The following TECPR2 variants were observed in gnomAD, a reference collection of about 807,000 sequenced individuals.
TECPR2 encodes tectonin beta-propeller repeat-containing protein 2.
In TECPR2, 65 loss-of-function variants were observed where a neutral mutation model predicts 138.1. The ratio of observed to expected loss-of-function variants is 0.47; its 90% confidence interval spans 0.39 to 0.58. The LOEUF is 0.58. Ranked by LOEUF, TECPR2 falls within the 20% of genes least tolerant of loss-of-function variation. The pLI, the probability that TECPR2 is intolerant of heterozygous loss-of-function variation, is 0.00. For synonymous variants in TECPR2, 746 were observed against 749.8 expected, an observed-to-expected ratio of 0.99 and a Z score of 0.08; for missense variants, 1,553 against 1,824.5, an observed-to-expected ratio of 0.85 and a Z score of 2.71.
At chr14:102,437,539 G>A (rs1889700798) in intron 9 of TECPR2, among the ~76,000 whole-genome samples, 1 of 151,754 alleles carries the variant, frequency 6.6e-6, no homozygotes, top group Admixed American at 6.6e-5. Flanking sequence ...GGGCGACAGA[G>A]CGAGTCTCTG....
At chr14:102,439,020 C>T (rs1053017266) in intron 10 of TECPR2, among the ~76,000 whole-genome samples, 3 of 152,010 alleles carry the variant, frequency 2.0e-5, no homozygotes, top group African/African-American at 7.2e-5. Flanking sequence ...CGCCACCACG[C>T]CCAGCTAATT....
intron 17 of TECPR2, among the ~76,000 whole-genome samples, chr14:102,476,295 G>A (rs117749423): frequency 6.7e-6 from 1 of 149,512 alleles, no homozygotes; most frequent in East Asian, 2.0e-4. Flanking sequence ...ACTTTGGGAC[G>A]CTGAGCTGGG....
intron 5 of TECPR2, among the ~76,000 whole-genome samples, chr14:102,418,822 C>T (rs1450295908): frequency 1.3e-5 from 2 of 152,196 alleles, no homozygotes; most frequent in African/African-American, 4.8e-5. Flanking sequence ...GCAGAGCTGG[C>T]AGATTTGCTG....
intron 2 of TECPR2, among the ~76,000 whole-genome samples, chr14:102,383,842 G>C (rs1290445405): frequency 6.6e-6 from 1 of 151,828 alleles, no homozygotes; most frequent in Non-Finnish European, 1.5e-5. Flanking sequence ...CATTTTTACA[G>C]TTTAACCAAT....
At chr14:102,438,406 A>G (rs904838407) in intron 10 of TECPR2, 4 of 607,664 alleles carry the variant, frequency 6.6e-6, no homozygotes, top group South Asian at 2.2e-5. Context: ...TTGGATGTCA[A>G]TTCGTAGTGT....
intron 1 of TECPR2, among the ~76,000 whole-genome samples, chr14:102,373,370 T>G (rs1887557892): frequency 6.6e-6 from 1 of 152,210 alleles, no homozygotes; most frequent in Non-Finnish European, 1.5e-5. Flanking sequence ...AACCATTCTG[T>G]TTTTCACTTT....
At chr14:102,408,305 T>G (rs2139694472) in intron 3 of TECPR2, among the ~76,000 whole-genome samples, 183 bp from the exon 4 acceptor site, 1 of 152,288 alleles carries the variant, frequency 6.6e-6, no homozygotes, top group African/African-American at 2.4e-5. Flanking sequence ...CAAGGTATGC[T>G]CTCTGTGGGT....
intron 9 of TECPR2, among the ~76,000 whole-genome samples, chr14:102,437,560 G>GAAAAA (rs144527153): frequency 0.038 from 5,541 of 145,580 alleles, 114 homozygotes; most frequent in Middle Eastern, 0.087. Context: ...TCTCAAAAAG[G>GAAAAA]AAAAAAAAAA....
intron 16 of TECPR2, among the ~76,000 whole-genome samples, chr14:102,455,012 T>C (rs1231686881): frequency 6.6e-6 from 1 of 152,138 alleles, no homozygotes; most frequent in Non-Finnish European, 1.5e-5. Flanking sequence ...CTGGCCAAAG[T>C]GGTGCAGGTC....
At chr14:102,478,150 A>G (rs989819947) in intron 17 of TECPR2, among the ~76,000 whole-genome samples, 1 of 151,726 alleles carries the variant, frequency 6.6e-6, no homozygotes, top group Non-Finnish European at 1.5e-5. Context: ...GGGTCAAGCC[A>G]TCCTCCCACC....
In TECPR2 at chr14:102,497,076, T is replaced by G; in HGVS notation, c.3887T>G (p.Ile1296Ser). 6.2e-7 allele frequency: 1 copy of G among 1,613,316 alleles called. No homozygotes were observed. Among genetic ancestry groups the G allele is most frequent in the Admixed American group, 1.7e-5 (1 of 60,020 alleles). Reference sequence around the variant, plus strand: ...TGGAACGTGCACGTGCGGACCGGGATCACCGAGGAGATGCCTGTGGGGACC... The same window carrying G: ...TGGAACGTGCACGTGCGGACCGGGAGCACCGAGGAGATGCCTGTGGGGACC... ...SRWNVHVRTG[I>S]TEEMPVGTAW... Residue 1296 changes from isoleucine to serine, a missense_variant, in exon 18 of 20, where the codon ATC (isoleucine) becomes AGC (serine). Transcript: ENST00000359520.
intron 2 of TECPR2, among the ~76,000 whole-genome samples, chr14:102,401,136 A>G (rs571086745): frequency 1.3e-5 from 2 of 151,864 alleles, no homozygotes; most frequent in Non-Finnish European, 2.9e-5. Context: ...GATTGTCAAA[A>G]TGGTTTTTAA....
chr14:102,471,334 A>G (rs1241437952), intron 17 of TECPR2, among the ~76,000 whole-genome samples: 1 of 152,172 alleles, frequency 6.6e-6, no homozygotes, highest in African/African-American at 2.4e-5. Context: ...ATTTGTTGGC[A>G]TCCAATTGTT....
intron 8 of TECPR2, among the ~76,000 whole-genome samples, chr14:102,433,825 C>G (rs1431384270): frequency 6.6e-6 from 1 of 152,124 alleles, no homozygotes; most frequent in African/African-American, 2.4e-5. Flanking sequence ...CGTGCACAGC[C>G]CAGATTTCAT....
At position 102,440,440 on chromosome 14, in the gene TECPR2, C is replaced by A; in HGVS notation, c.2583C>A (p.Ala861=). 1 of 1,614,020 alleles carries A rather than the reference C, an allele frequency of 6.2e-7. No homozygotes were observed. Among genetic ancestry groups the A allele is most frequent in the East Asian group, 2.2e-5 (1 of 44,878 alleles). The stretch of plus-strand genomic sequence containing the variant: ...ATAGAATTTTTATTTCCATAGGAGC[C>A]CTTCTCTGGAAGATTGAACAGAAAT... ...VQQVAVSPSG[A]LLWKIEQKSN... is the part of the protein sequence containing the mutation. The change falls in exon 11 of 20, where the codon GCC becomes GCA. Residue 861 remains alanine, a synonymous_variant. Coordinates refer to ENST00000359520, the MANE Select transcript of TECPR2 (RefSeq NM_014844.5).
At chr14:102,448,779 A>G (rs889602926) in intron 13 of TECPR2, among the ~76,000 whole-genome samples, 16 of 152,056 alleles carry the variant, frequency 1.1e-4, no homozygotes, top group Non-Finnish European at 4.4e-5. Context: ...AGGCACGAGA[A>G]TCTCTTGAAC....
In TECPR2 at chr14:102,493,346, G is replaced by A. The variant is rs116122256; in HGVS notation, c.3790-3633G>A. ...ACGCGGCCTTCCGAGTGGGGAAGGC[G>A]GGAGCCTGGCGGGAGCCTCTCCTCC... On this transcript the variant is annotated intron_variant, in intron 17 of 19. Transcript: ENST00000359520. Among the ~76,000 whole-genome samples the A allele has an allele frequency of 9.2e-3, 1,408 of 152,276 alleles. 11 individuals carry two copies. Among genetic ancestry groups the A allele is most frequent in the African/African-American group, 0.018 (754 of 41,568 alleles).
In TECPR2 at chr14:102,403,493, C is replaced by G. The variant is rs187187228; in HGVS notation, c.220-3845C>G. The stretch of plus-strand genomic sequence containing the variant: ...GGCAAAATGCCTGCTTTTGTCACTT[C>G]AGTTCAACACAGTGCTGGAAATTTT... On this transcript the variant is annotated intron_variant, in intron 2 of 19. Coordinates refer to ENST00000359520, the MANE Select transcript of TECPR2 (RefSeq NM_014844.5). Among the ~76,000 whole-genome samples the G allele has an allele frequency of 3.9e-5, 6 of 152,332 alleles. No individual in the cohort carries two copies. The East Asian group carries it at 1.2e-3, about 29-fold the overall frequency.
At chr14:102,474,797 C>T (rs1890723661) in intron 17 of TECPR2, among the ~76,000 whole-genome samples, 1 of 152,124 alleles carries the variant, frequency 6.6e-6, no homozygotes, top group Admixed American at 6.6e-5. Flanking sequence ...ACGTCTCTGA[C>T]CTACCCAGCC....
Sources: allele counts gnomAD v4.1 joint callset (sites outside exome capture counted in the v4.1 genomes callset), GRCh38; gene constraint gnomAD v4.1.1; transcripts MANE v1.5; gene names NCBI Gene and HGNC (gene_info 2026-07-23, HGNC 2026-07-21).